CDH4: variants seen among roughly 807,000 people sequenced by gnomAD.
CDH4 encodes cadherin 4.
A neutral mutation model predicts 86.0 loss-of-function variants in CDH4; 33 were observed. The observed-to-expected ratio is 0.38, with a 90% CI of 0.29 to 0.51. The LOEUF (loss-of-function observed/expected upper bound fraction) is 0.51. CDH4 is among the 20% of genes least tolerant of loss of function. The pLI, the probability that CDH4 is intolerant of heterozygous loss-of-function variation, is 0.86. For missense variants in CDH4, 1,114 were observed against 1,307.4 expected (o/e 0.85, Z 2.28); for synonymous variants, 555 against 549.4 (o/e 1.01, Z -0.14).
chr20:61,915,830 G>T lies in CDH4; in HGVS notation c.1374+5223G>T, dbSNP rs930537542. 3.3e-5 allele frequency among the ~76,000 whole-genome samples: 5 copies of T among 152,164 alleles called. No individual in the cohort carries two copies. In the South Asian group the frequency reaches 1.0e-3, roughly 32 times the overall value. On this transcript the variant is annotated intron_variant, in intron 9 of 15. Coordinates refer to ENST00000614565, the MANE Select transcript of CDH4 (RefSeq NM_001794.5). ...TGGCCGTGGGGCTGGCCGTGCTTCC[G>T]TACACTTGTTAACATTCCTGAGAGT...
chr20:61,880,091 G>A (rs933232715), intron 7 of CDH4, among the ~76,000 whole-genome samples: 4 of 152,198 alleles, frequency 2.6e-5, no homozygotes, highest in Admixed American at 6.5e-5. Flanking sequence ...TACTGCTCAG[G>A]ATATCGTTCT....
At chr20:61,528,463 G>GGAGGGGAAGGGAGGGGAGGGGGGA (rs2085928354) in intron 2 of CDH4, among the ~76,000 whole-genome samples, 23 of 96,858 alleles carry the variant, frequency 2.4e-4, no homozygotes, top group African/African-American at 7.2e-4. Flanking sequence ...GAGGGGGAGA[G>GGAGGGGAAGGGAGGGGAGGGGGGA]GGAGGGGGAG....
intron 2 of CDH4, among the ~76,000 whole-genome samples, chr20:61,583,150 C>CG (rs140666332): frequency 0.53 from 34,943 of 66,194 alleles, 12,673 homozygotes; most frequent in Non-Finnish European, 0.63. Context: ...GAGGGCTCTG[C>CG]GGAGGGACAG....
At chr20:61,817,604 C>A (rs1451700102) in intron 4 of CDH4, among the ~76,000 whole-genome samples, 2 of 152,068 alleles carry the variant, frequency 1.3e-5, no homozygotes, top group African/African-American at 2.4e-5. Context: ...ACTTTGTCAC[C>A]TTCCCACGTG....
At chr20:61,780,851 C>G (rs1329459231) in intron 4 of CDH4, among the ~76,000 whole-genome samples, 1 of 152,170 alleles carries the variant, frequency 6.6e-6, no homozygotes, top group Non-Finnish European at 1.5e-5. Flanking sequence ...GTGAGTGGAT[C>G]TCAGGCAGGA....
intron 2 of CDH4, among the ~76,000 whole-genome samples, chr20:61,454,154 A>T (rs2427109): frequency 0.13 from 20,217 of 152,242 alleles, 1,436 homozygotes; most frequent in Admixed American, 0.19. Context: ...ATTCCGCAGC[A>T]TGAGTCTGCC....
rs146159523 is a variant in CDH4, at chr20:61,305,393, C to T, written c.169+50456C>T. 7.1e-4 allele frequency among the ~76,000 whole-genome samples: 108 copies of T among 152,246 alleles called. 1 individual carries two copies. In the South Asian group the frequency reaches 0.019, roughly 27 times the overall value. On this transcript the variant is annotated intron_variant, in intron 2 of 15. Transcript: ENST00000614565. ...AACCCCCTGGAAATCCTGCTGAATG[C>T]GGATTCCCACTCCCGGGGGAGGTGG...
intron 12 of CDH4, 88 bp downstream of exon 12, chr20:61,928,511 C>A: frequency 9.7e-6 from 11 of 1,132,264 alleles, no homozygotes; most frequent in Non-Finnish European, 1.4e-5. Context: ...AGAGTGGGCA[C>A]CAGAGGTGGG....
Position 61,910,571 on chromosome 20 carries a change from C to G in CDH4, c.1338C>G (p.Asp446Glu), listed in dbSNP as rs2427240. 6.2e-7 allele frequency: 1 copy of G among 1,613,466 alleles called. No homozygotes were observed. Among genetic ancestry groups the G allele is most frequent in the African/African-American group, 1.3e-5 (1 of 74,810 alleles). The change falls in exon 9 of 16, where the codon GAC becomes GAG. Residue 446 changes from aspartate (D) to glutamate (E), a missense_variant. By Grantham distance (45) the Asp-to-Glu change is conservative (BLOSUM62 2). Coordinates refer to ENST00000614565, the MANE Select transcript of CDH4 (RefSeq NM_001794.5). ...CCGGGCACTTCAGCGTCCGCACAGA[C>G]CCCGTAACCAACGAGGGCATGGTCA... ...DPSGHFSVRTDPVTNEGMVTV... is the reference protein window; with the variant it reads ...DPSGHFSVRTEPVTNEGMVTV...
At chr20:61,785,364 T>C (rs1978820406) in intron 4 of CDH4, among the ~76,000 whole-genome samples, 1 of 152,180 alleles carries the variant, frequency 6.6e-6, no homozygotes, top group African/African-American at 2.4e-5. Context: ...CCCCTGTCTG[T>C]GTCCCAGCCA....
In CDH4 at chr20:61,676,012, C is replaced by A. The variant is rs1200137415; in HGVS notation, c.170-67551C>A. Among the ~76,000 whole-genome samples, 1 of 152,208 alleles carries A rather than the reference C, an allele frequency of 6.6e-6. No homozygotes were observed. The highest frequency in any genetic ancestry group is 2.4e-5 in the African/African-American group (1 of 41,464). ...AGAGCACAGGCTCAGGCTCCTGGCACTGCCTGCTTAGGACCCTCAGACGGC... is the reference window on the plus strand; with the variant it reads ...AGAGCACAGGCTCAGGCTCCTGGCAATGCCTGCTTAGGACCCTCAGACGGC... On this transcript the variant is annotated intron_variant, in intron 2 of 15. Transcript: ENST00000614565. The surrounding 1 kb of genome is among the most constrained non-coding windows in gnomAD (Gnocchi z 4.5).
At chr20:61,437,712 C>T (rs1289648547) in intron 2 of CDH4, among the ~76,000 whole-genome samples, 5 of 152,162 alleles carry the variant, frequency 3.3e-5, no homozygotes, top group Non-Finnish European at 7.3e-5. Flanking sequence ...AATCTGGGTC[C>T]ATTGTACTCC....
At chr20:61,443,156 G>A (rs532566575) in intron 2 of CDH4, among the ~76,000 whole-genome samples, 1 of 152,316 alleles carries the variant, frequency 6.6e-6, no homozygotes, top group East Asian at 1.9e-4. Flanking sequence ...TAGGTGTGAA[G>A]CACCTCGCTT....
At chr20:61,920,699 G>A (rs2054969237) in intron 9 of CDH4, among the ~76,000 whole-genome samples, 1 of 150,792 alleles carries the variant, frequency 6.6e-6, no homozygotes, top group African/African-American at 2.4e-5. Flanking sequence ...ATGATTGCAT[G>A]GAAGCGTGGT....
At chr20:61,920,337 G>A (rs1238361369) in intron 9 of CDH4, among the ~76,000 whole-genome samples, 145 of 95,592 alleles carry the variant, frequency 1.5e-3, no homozygotes, top group Admixed American at 2.1e-3. Context: ...GTGTGGAAGC[G>A]TGGTGTCATA....
intron 2 of CDH4, among the ~76,000 whole-genome samples, chr20:61,262,423 G>A (rs939873872): frequency 6.6e-6 from 1 of 152,166 alleles, no homozygotes; most frequent in East Asian, 1.9e-4. Flanking sequence ...CCCTTGCGGC[G>A]AAGCCCCTTT....
At chr20:61,504,359 A>G (rs1371541266) in intron 2 of CDH4, among the ~76,000 whole-genome samples, 1 of 152,026 alleles carries the variant, frequency 6.6e-6, no homozygotes, top group African/African-American at 2.4e-5. Flanking sequence ...TTTTTTTCTC[A>G]CTGTCTCCAG....
chr20:61,818,691 A>T lies in CDH4; in HGVS notation c.577-25977A>T, dbSNP rs532093632. 1.4e-3 allele frequency among the ~76,000 whole-genome samples: 201 copies of T among 138,748 alleles called. 1 individual carries two copies. The highest frequency in any genetic ancestry group is 8.2e-3 in the East Asian group (40 of 4,852). 91.0% of individuals were successfully genotyped at this position (138,748 alleles called of 152,430 possible). On this transcript the variant is annotated intron_variant, in intron 4 of 15. Coordinates refer to ENST00000614565, the MANE Select transcript of CDH4 (RefSeq NM_001794.5). Reference sequence around the variant, plus strand: ...AAGTCTCTTAAAAAACTAAAAATTTAAAAAAAAAAAAAAAGCGGGAAGTTG... The same window carrying T: ...AAGTCTCTTAAAAAACTAAAAATTTTAAAAAAAAAAAAAAGCGGGAAGTTG...
intron 2 of CDH4, among the ~76,000 whole-genome samples, chr20:61,280,435 A>G (rs529280718): frequency 1.2e-4 from 18 of 152,266 alleles, no homozygotes; most frequent in African/African-American, 3.9e-4. Flanking sequence ...GCCGCGGCAC[A>G]CACAGCCCCT....
Sources: allele counts gnomAD v4.1 joint callset (sites outside exome capture counted in the v4.1 genomes callset), GRCh38; gene constraint gnomAD v4.1.1; non-coding constraint Gnocchi (gnomAD v3.1); transcripts MANE v1.5; gene names NCBI Gene and HGNC (gene_info 2026-07-23, HGNC 2026-07-21).